Variants in FGF13 observed in about 807,000 individuals in gnomAD.
The protein encoded by FGF13 is fibroblast growth factor homologous factor 2.
A neutral mutation model predicts 19.5 loss-of-function variants in FGF13; 2 were observed. The ratio of observed to expected loss-of-function variants is 0.10; its 90% CI spans 0.04 to 0.32. The LOEUF is 0.32. FGF13 is among the 10% of genes least tolerant of loss of function. The pLI is 1.00. For missense variants in FGF13, 113 were observed against 192.7 expected (o/e 0.59, Z 2.45); for synonymous variants, 72 against 76.9 (o/e 0.94, Z 0.33).
intron 1 of FGF13, among the ~76,000 whole-genome samples, chrX:139,033,027 CAAAAAAA>C (rs758766077): frequency 1.9e-3 from 51 of 27,269 alleles, no homozygotes; most frequent in African/African-American, 5.0e-3. Context: ...TCTGATTATC[CAAAAAAA>C]AAAAAAAAAA....
intron 1 of FGF13, among the ~76,000 whole-genome samples, chrX:138,879,496 T>C (rs1229761215): frequency 1.8e-5 from 2 of 112,010 alleles, no homozygotes; most frequent in African/African-American, 6.5e-5. Context: ...AGATCTTATA[T>C]TTAGATATTG....
At chrX:138,759,578 C>T (rs2090452703) in intron 3 of FGF13, among the ~76,000 whole-genome samples, 1 of 112,027 alleles carries the variant, frequency 8.9e-6, no homozygotes, top group Non-Finnish European at 1.9e-5. Flanking sequence ...TAATCTTTAA[C>T]CTTCTCAGTG....
chrX:138,865,050 G>T (rs968720588), intron 1 of FGF13, among the ~76,000 whole-genome samples: 1 of 111,954 alleles, frequency 8.9e-6, no homozygotes, highest in South Asian at 3.8e-4. Context: ...TGGAACTTGA[G>T]AATTGGCATT....
chrX:138,782,101 T>C (rs2090649090), intron 3 of FGF13, among the ~76,000 whole-genome samples: 1 of 111,725 alleles, frequency 9.0e-6, no homozygotes, highest in Non-Finnish European at 1.9e-5. Context: ...TTTGACAAAA[T>C]TCAACAACCC....
At chrX:138,921,918 G>A (rs556064828) in intron 1 of FGF13, among the ~76,000 whole-genome samples, 3 of 85,049 alleles carry the variant, frequency 3.5e-5, no homozygotes, top group East Asian at 8.2e-4. Context: ...GACAGAACTC[G>A]CAAACATAAA....
At chrX:138,767,585 A>G (rs2090511470) in intron 3 of FGF13, among the ~76,000 whole-genome samples, 3 of 112,099 alleles carry the variant, frequency 2.7e-5, no homozygotes, top group South Asian at 7.5e-4. Context: ...TCATCTCAAA[A>G]TAGTAGAAAT....
intron 1 of FGF13, among the ~76,000 whole-genome samples, chrX:139,155,393 T>G (rs2083969326): frequency 8.9e-6 from 1 of 112,059 alleles, no homozygotes; most frequent in Admixed American, 9.5e-5. Context: ...TAGAGCCTAA[T>G]CCAGCTCTGT....
intron 1 of FGF13, among the ~76,000 whole-genome samples, chrX:138,893,432 G>A (rs1253626240): frequency 9.0e-6 from 1 of 110,991 alleles, no homozygotes; most frequent in Admixed American, 9.6e-5. Flanking sequence ...CTTGTCAGGT[G>A]GGCTCGGAAG....
rs762957760 is a variant in FGF13 at position 139,198,506 on chromosome X, AG to A, written c.-113+4909del. On this transcript the variant is annotated intron_variant, in intron 1 of 2. Transcript: ENST00000421460. ...GCCTTTGCCTGTGGGGAAGGTCATTAGCCCGTGACACTAGTACTATTTCTAT... is the reference window on the plus strand; with the variant it reads ...GCCTTTGCCTGTGGGGAAGGTCATTACCCGTGACACTAGTACTATTTCTAT... Among the ~76,000 whole-genome samples the A allele has an allele frequency of 4.0e-3, 453 of 112,006 alleles. 5 individuals are homozygous for A. The highest frequency in any genetic ancestry group is 9.2e-3 in the Middle Eastern group (2 of 218).
At chrX:139,124,309 A>G (rs147994695) in intron 1 of FGF13, among the ~76,000 whole-genome samples, 2,076 of 112,630 alleles carry the variant, frequency 0.018, 17 homozygotes, top group Non-Finnish European at 0.028. Context: ...ATAGGAGGCA[A>G]GTAAGACATT....
rs918980911 is a variant in FGF13 at position 138,711,513 on chromosome X, C to A, written c.-510G>T. 248 of 754,775 alleles carry A rather than the reference C, an allele frequency of 3.3e-4. No individual in the cohort carries two copies. The Middle Eastern group carries it at 5.3e-3, about 16-fold the overall frequency. 62.2% of individuals were successfully genotyped at this position (754,775 alleles called of 1,213,427 possible). A position where few individuals can be genotyped will look rare whatever the true frequency, so the allele number is the denominator to read the frequency against. ...GGACGAGGCAGCGCGCGGGGGAGCG[C>A]GCCCTCGCCCTGGCCCCTCCGAGTC... On this transcript the variant is annotated 5_prime_UTR_variant, in exon 1 of 5. Transcript: ENST00000315930.
chrX:138,987,842 T>C (rs1047918490), intron 1 of FGF13, among the ~76,000 whole-genome samples: 1 of 112,179 alleles, frequency 8.9e-6, no homozygotes, highest in African/African-American at 3.2e-5. Context: ...CGCTATTCAT[T>C]TGTGAGTTCA....
chrX:138,790,043 C>CAA lies in FGF13; in HGVS notation c.217+67467_217+67468dup, dbSNP rs764151731. ...CTGGGTGACAGAGCGAGACTCCATTCAAAAAAAAAAAAAAAAAAAAAAAAA... is the reference window on the plus strand; with the variant it reads ...CTGGGTGACAGAGCGAGACTCCATTCAAAAAAAAAAAAAAAAAAAAAAAAAAA... On this transcript the variant is annotated intron_variant, in intron 3 of 6. Coordinates refer to the FGF13 transcript ENST00000436198. Among the ~76,000 whole-genome samples the CAA allele has an allele frequency of 6.6e-3, 193 of 29,161 alleles. 54 individuals carry two copies. The highest frequency in any genetic ancestry group is 0.018 in the African/African-American group (161 of 8,898). The allele number at this position is 29,161 out of a possible 115,157, so 25.3% of individuals were successfully genotyped here.
intron 1 of FGF13, among the ~76,000 whole-genome samples, chrX:138,914,768 A>T (rs1269202122): frequency 1.8e-5 from 2 of 110,918 alleles, no homozygotes; most frequent in African/African-American, 6.6e-5. Flanking sequence ...TTGCAGAGAA[A>T]AGGAAGTAGT....
intron 1 of FGF13, among the ~76,000 whole-genome samples, chrX:139,001,839 G>A (rs1221226150): frequency 5.4e-5 from 6 of 111,864 alleles, no homozygotes; most frequent in Non-Finnish European, 1.1e-4. Context: ...CCATTACTGA[G>A]TATATACCCA....
At chrX:139,168,003 A>G (rs2084100141) in intron 1 of FGF13, among the ~76,000 whole-genome samples, 1 of 112,322 alleles carries the variant, frequency 8.9e-6, no homozygotes, top group Non-Finnish European at 1.9e-5. Flanking sequence ...AAGACTCTGG[A>G]GTTCAAAATG....
chrX:138,684,794 C>T (rs986813002), intron 3 of FGF13, among the ~76,000 whole-genome samples: 8 of 111,402 alleles, frequency 7.2e-5, no homozygotes. Flanking sequence ...TTACAACGGA[C>T]TTAATGAAGC....
intron 3 of FGF13, among the ~76,000 whole-genome samples, chrX:138,780,229 A>G (rs1353827695): frequency 9.1e-6 from 1 of 110,097 alleles, no homozygotes; most frequent in Non-Finnish European, 1.9e-5. Flanking sequence ...TGAAACGACC[A>G]TCGAGACTAG....
At chrX:138,865,151 G>A (rs1408461177) in intron 1 of FGF13, among the ~76,000 whole-genome samples, 2 of 111,851 alleles carry the variant, frequency 1.8e-5, no homozygotes, top group African/African-American at 6.5e-5. Context: ...GTCTCTCCCA[G>A]GTTTCTCTGC....
Sources: gnomAD v4.1 joint callset for allele counts (sites outside exome capture counted in the v4.1 genomes callset) on GRCh38, gnomAD v4.1.1 for gene constraint, MANE v1.5 for transcripts, NCBI Gene and HGNC (gene_info 2026-07-23, HGNC 2026-07-21) for gene names.